Variants in LHFPL3 observed in about 807,000 individuals in gnomAD.
LHFPL3 encodes LHFPL tetraspan subfamily member 3, also known as LHFPL tetraspan subfamily member 3 protein.
Under a neutral mutation model 19.3 loss-of-function variants are expected in LHFPL3, and 5 were observed. That is an observed-to-expected ratio of 0.26 (90% CI 0.14 to 0.54). LHFPL3 has a LOEUF of 0.54. Among genes scored for constraint, LHFPL3 ranks in the 20% least tolerant of loss-of-function variants. The probability of loss-of-function intolerance (pLI) is 0.94; values close to 1 mark genes in which losing one functional copy is unlikely to be tolerated. For synonymous variants in LHFPL3, 133 were observed against 126.2 expected (o/e 1.05, Z -0.36); for missense variants, 249 against 307.4 (o/e 0.81, Z 1.42).
At chr7:104,659,766 A>T (rs1181729762) in intron 1 of LHFPL3, among the ~76,000 whole-genome samples, 1 of 152,208 alleles carries the variant, frequency 6.6e-6, no homozygotes, top group South Asian at 2.1e-4. Context: ...CAGTGAAATC[A>T]GGAAGCAAGC....
chr7:104,466,284 A>G lies in LHFPL3; in HGVS notation c.445+137060A>G, dbSNP rs1792783034. 2.0e-5 allele frequency among the ~76,000 whole-genome samples: 3 copies of G among 152,204 alleles called. No individual in the cohort carries two copies. The South Asian group carries it at 6.2e-4, about 31-fold the overall frequency. ...GTACATTTCTCACCTCAGTTTTGTA[A>G]AAATGTTGTTTTAAGAGACCTCTTA... On this transcript the variant is annotated intron_variant, in intron 1 of 2. Transcript: ENST00000424859.
At chr7:104,710,608 C>G (rs1346463568) in intron 1 of LHFPL3, among the ~76,000 whole-genome samples, 1 of 152,130 alleles carries the variant, frequency 6.6e-6, no homozygotes. Flanking sequence ...AGTTACCACC[C>G]GTGACATTTG....
chr7:104,828,724 A>G (rs905504587), intron 2 of LHFPL3, among the ~76,000 whole-genome samples: 1 of 151,978 alleles, frequency 6.6e-6, no homozygotes, highest in Admixed American at 6.5e-5. Context: ...TGGGAAGGTA[A>G]GAGGGAAATA....
intron 2 of LHFPL3, among the ~76,000 whole-genome samples, chr7:104,870,396 G>C (rs1031451143): frequency 6.6e-6 from 1 of 151,988 alleles, no homozygotes; most frequent in East Asian, 1.9e-4. Flanking sequence ...TGTAATATTC[G>C]CCCGACTTGC....
At chr7:104,434,864 T>C (rs1755066689) in intron 1 of LHFPL3, among the ~76,000 whole-genome samples, 1 of 152,162 alleles carries the variant, frequency 6.6e-6, no homozygotes, top group African/African-American at 2.4e-5. Flanking sequence ...TAAAAACCTA[T>C]TGATATTAAT....
At chr7:104,475,781 C>T (rs1347307727) in intron 1 of LHFPL3, among the ~76,000 whole-genome samples, 3 of 152,194 alleles carry the variant, frequency 2.0e-5, no homozygotes, top group African/African-American at 7.2e-5. Context: ...AATTTGGACA[C>T]AGTTTTTCTC....
intron 1 of LHFPL3, among the ~76,000 whole-genome samples, chr7:104,432,135 C>G (rs1792015075): frequency 6.6e-6 from 1 of 152,240 alleles, no homozygotes; most frequent in Admixed American, 6.5e-5. Flanking sequence ...TCTGCTGTCT[C>G]TGGCTGCTCA....
At chr7:104,664,940 AAG>A (rs10590543) in intron 1 of LHFPL3, among the ~76,000 whole-genome samples, 62,150 of 151,884 alleles carry the variant, frequency 0.41, 13,422 homozygotes, top group East Asian at 0.75. Flanking sequence ...GTGTCCTTGA[AAG>A]ACCTCTAGCC....
intron 1 of LHFPL3, among the ~76,000 whole-genome samples, chr7:104,396,497 G>C (rs1272388025): frequency 6.6e-6 from 1 of 151,988 alleles, no homozygotes; most frequent in East Asian, 1.9e-4. Flanking sequence ...CTATAATGCT[G>C]GGTTCCTCAA....
At chr7:104,361,674 A>G (rs1193232990) in intron 1 of LHFPL3, among the ~76,000 whole-genome samples, 1 of 152,202 alleles carries the variant, frequency 6.6e-6, no homozygotes, top group African/African-American at 2.4e-5. Flanking sequence ...GCCTTGAGGA[A>G]ACGATCTTCA....
At chr7:104,803,852 C>T (rs918099221) in intron 2 of LHFPL3, 9 of 152,234 alleles carry the variant, frequency 5.9e-5, no homozygotes, top group African/African-American at 1.9e-4. Flanking sequence ...CTATTATTTA[C>T]ATAGTTTTGG....
At chr7:104,772,339 G>GTGAT (rs1301218739) in intron 2 of LHFPL3, among the ~76,000 whole-genome samples, 1 of 152,204 alleles carries the variant, frequency 6.6e-6, no homozygotes, top group Non-Finnish European at 1.5e-5. Context: ...TAATGGCTCA[G>GTGAT]TGATTATTAG....
intron 1 of LHFPL3, among the ~76,000 whole-genome samples, chr7:104,376,752 G>A (rs1368090541): frequency 6.6e-6 from 1 of 152,258 alleles, no homozygotes; most frequent in South Asian, 2.1e-4. Context: ...AAGCCTTGGC[G>A]ACACTCCTCC....
At chr7:104,545,949 T>C (rs1211226382) in intron 1 of LHFPL3, among the ~76,000 whole-genome samples, 1 of 152,192 alleles carries the variant, frequency 6.6e-6, no homozygotes, top group Non-Finnish European at 1.5e-5. Context: ...CTATCTCTGC[T>C]TTTGTGAATA....
chr7:104,532,912 G>A (rs1794329109), intron 1 of LHFPL3, among the ~76,000 whole-genome samples: 1 of 152,176 alleles, frequency 6.6e-6, no homozygotes, highest in Non-Finnish European at 1.5e-5. Flanking sequence ...TTGTCAGAGT[G>A]TCCAATGTAG....
intron 1 of LHFPL3, among the ~76,000 whole-genome samples, chr7:104,373,949 A>G (rs775551359): frequency 6.6e-6 from 1 of 152,256 alleles, no homozygotes; most frequent in Non-Finnish European, 1.5e-5. Context: ...TTGGGGTAAA[A>G]TATTTTGATT....
chr7:104,329,547 C>T (rs1455529168), intron 1 of LHFPL3, among the ~76,000 whole-genome samples: 3 of 152,312 alleles, frequency 2.0e-5, no homozygotes, highest in Middle Eastern at 3.4e-3. Flanking sequence ...GAAGTGGCCG[C>T]TTAGAGAGAT....
At chr7:104,744,608 T>A (rs1363324236) in intron 2 of LHFPL3, among the ~76,000 whole-genome samples, 6 of 152,194 alleles carry the variant, frequency 3.9e-5, no homozygotes, top group African/African-American at 1.4e-4. Flanking sequence ...CCCACTCTTT[T>A]CATGAACTCA....
At chr7:104,618,676 A>AT (rs1791390756) in intron 1 of LHFPL3, among the ~76,000 whole-genome samples, 1 of 152,130 alleles carries the variant, frequency 6.6e-6, no homozygotes, top group African/African-American at 2.4e-5. Flanking sequence ...TTTAAAAAAA[A>AT]AAAAGTTCTT....
Sources: gnomAD v4.1 joint callset for allele counts (sites outside exome capture counted in the v4.1 genomes callset) on GRCh38, gnomAD v4.1.1 for gene constraint, MANE v1.5 for transcripts, NCBI Gene and HGNC (gene_info 2026-07-23, HGNC 2026-07-21) for gene names.